Variants in DOC2B observed in about 807,000 individuals in gnomAD.
The protein encoded by DOC2B is double C2-like domain-containing protein beta.
Under a neutral mutation model 28.9 loss-of-function variants are expected in DOC2B, and 21 were observed. The ratio of observed to expected loss-of-function variants is 0.73; its 90% confidence interval spans 0.52 to 1.05. The LOEUF (loss-of-function observed/expected upper bound fraction) is 1.05. Ranked by LOEUF, DOC2B falls within the 50% of genes least tolerant of loss-of-function variation. The probability of loss-of-function intolerance (pLI) is 0.00; values close to 1 mark genes in which losing one functional copy is unlikely to be tolerated. For synonymous variants in DOC2B, 194 were observed against 178.1 expected (o/e 1.09, Z -0.71); for missense variants, 384 against 421.1 (o/e 0.91, Z 0.77).
chr17:180,973 G>T, intron 1 of DOC2B, 134 bp downstream of exon 1: 1 of 750,994 alleles, frequency 1.3e-6, no homozygotes. Context: ...GGGCCCGCAA[G>T]CCCGCGGCGG....
At chr17:150,826 G>A (rs1411532057) in intron 6 of DOC2B, among the ~76,000 whole-genome samples, 4 of 152,168 alleles carry the variant, frequency 2.6e-5, no homozygotes, top group Non-Finnish European at 5.9e-5. Flanking sequence ...CCACACAATG[G>A]AAGACCACTT....
chr17:169,875 C>T (rs1319917227), intron 2 of DOC2B, among the ~76,000 whole-genome samples: 1 of 152,184 alleles, frequency 6.6e-6, no homozygotes, highest in Non-Finnish European at 1.5e-5. Flanking sequence ...GGAACTGGGC[C>T]TCCCACCCCC....
rs575980122 is a variant in DOC2B at position 173,363 on chromosome 17, C to G, written c.374-747G>C. 1.7e-3 allele frequency among the ~76,000 whole-genome samples: 259 copies of G among 152,214 alleles called. 1 individual carries two copies. The highest frequency in any genetic ancestry group is 3.4e-3 in the Middle Eastern group (1 of 294). On this transcript the variant is annotated intron_variant, in intron 1 of 8. Coordinates refer to ENST00000613549, the MANE Select transcript of DOC2B (RefSeq NM_003585.5). The stretch of plus-strand genomic sequence containing the variant: ...GGCCAAGGTGATGGTTGGGGCAGAG[C>G]TTGGAGATGATGGTGGGGGGCAGAG...
intron 5 of DOC2B, among the ~76,000 whole-genome samples, chr17:158,959 ACTTGAACC>A (rs1567530991): frequency 6.7e-6 from 1 of 149,788 alleles, no homozygotes; most frequent in Non-Finnish European, 1.5e-5. Flanking sequence ...CAGAAGAATC[ACTTGAACC>A]CGGGAGGCGG....
At chr17:177,359 C>T (rs766168308) in intron 1 of DOC2B, among the ~76,000 whole-genome samples, 5 of 152,178 alleles carry the variant, frequency 3.3e-5, no homozygotes, top group South Asian at 2.1e-4. Flanking sequence ...GTGATATGAC[C>T]ACTTTGGCCT....
chr17:159,114 C>T (rs890110252), intron 5 of DOC2B, among the ~76,000 whole-genome samples: 9 of 151,506 alleles, frequency 5.9e-5, no homozygotes, highest in Non-Finnish European at 1.2e-4. Context: ...CATTGTACTT[C>T]GGGTTGTTTC....
At chr17:148,371 A>G in intron 7 of DOC2B, 102 bp from the exon 8 acceptor site, 2 of 397,428 alleles carry the variant, frequency 5.0e-6, no homozygotes, top group Non-Finnish European at 8.9e-6. Flanking sequence ...GATGGGGGTG[A>G]TCAGTGCTCA....
At position 144,848 on chromosome 17, in the gene DOC2B, T is replaced by C. The variant is rs1353733599; in HGVS notation, c.*2593A>G. The C allele has an allele frequency of 1.3e-5, 2 of 152,228 alleles. No individual in the cohort carries two copies. Among genetic ancestry groups the C allele is most frequent in the Non-Finnish European group, 2.9e-5 (2 of 68,064 alleles). The allele number at this position is 152,228 out of a possible 1,614,324, so 9.4% of individuals were successfully genotyped here. A position where few individuals can be genotyped will look rare whatever the true frequency, so the allele number is the denominator to read the frequency against. ...CACCCACTGGGCCTCACATTCCCCA[T>C]GTGCCTAATAAGGAAGTCATGGTAG... On this transcript the variant is annotated 3_prime_UTR_variant, in exon 9 of 9. Transcript: ENST00000613549.
At position 176,403 on chromosome 17, in the gene DOC2B, G is replaced by A. The variant is rs967260191; in HGVS notation, c.374-3787C>T. On this transcript the variant is annotated intron_variant, in intron 1 of 8. Coordinates refer to ENST00000613549, the MANE Select transcript of DOC2B (RefSeq NM_003585.5). ...ACAGTGGTGTTGGTGCGGGGGGTGC[G>A]GGGGGGTAGGTCTCACTACGTTGCT... 5.9e-5 allele frequency among the ~76,000 whole-genome samples: 9 copies of A among 151,600 alleles called. 1 individual carries two copies. In the South Asian group the frequency reaches 6.2e-4, roughly 11 times the overall value.
chr17:155,991 T>G (rs2040130575), intron 6 of DOC2B: 1 of 562,236 alleles, frequency 1.8e-6, no homozygotes, highest in South Asian at 2.3e-5. Context: ...AATACCTGCA[T>G]GACCCTGGGA....
intron 5 of DOC2B, among the ~76,000 whole-genome samples, chr17:158,441 C>A (rs534778966): frequency 6.6e-6 from 1 of 152,190 alleles, no homozygotes; most frequent in Non-Finnish European, 1.5e-5. Context: ...CTACATCTAA[C>A]CCTTTCTGGA....
intron 5 of DOC2B, among the ~76,000 whole-genome samples, chr17:160,218 A>G (rs1339958237): frequency 6.6e-6 from 1 of 152,078 alleles, no homozygotes; most frequent in Non-Finnish European, 1.5e-5. Flanking sequence ...TCTTGACCTC[A>G]TGACCCACCT....
chr17:173,063 T>C (rs1260188096), intron 1 of DOC2B, among the ~76,000 whole-genome samples: 1 of 152,182 alleles, frequency 6.6e-6, no homozygotes, highest in African/African-American at 2.4e-5. Context: ...ATCAGCTGAT[T>C]TGCTCAACAG....
intron 1 of DOC2B, among the ~76,000 whole-genome samples, chr17:180,411 C>T (rs982200412): frequency 1.3e-5 from 2 of 151,924 alleles, no homozygotes; most frequent in Non-Finnish European, 2.9e-5. Context: ...GCTGGGGGGC[C>T]CTCTCTGCCC....
chr17:151,197 G>T (rs1317431432), intron 6 of DOC2B, among the ~76,000 whole-genome samples: 1 of 152,068 alleles, frequency 6.6e-6, no homozygotes, highest in Non-Finnish European at 1.5e-5. Flanking sequence ...TTGAGCCCAG[G>T]AGTTCAAGGC....
chr17:164,519 A>G (rs1279309779), intron 2 of DOC2B, among the ~76,000 whole-genome samples: 1 of 152,084 alleles, frequency 6.6e-6, no homozygotes, highest in African/African-American at 2.4e-5. Flanking sequence ...TGCTTTGCTC[A>G]GGCCCTGCCA....
chr17:157,636 G>A (rs904441849), intron 5 of DOC2B, among the ~76,000 whole-genome samples: 1 of 152,146 alleles, frequency 6.6e-6, no homozygotes, highest in African/African-American at 2.4e-5. Context: ...TAGAGACAGG[G>A]TTTTGCCATG....
Position 181,538 on chromosome 17 carries a change from G to T in DOC2B, c.-59C>A. ...GGCCCGGCGCGACCCCGGCCCGGGG[G>T]CGGCTCAGCAGGCCCGGCGGGGCGC... On this transcript the variant is annotated 5_prime_UTR_variant, in exon 1 of 9. Transcript: ENST00000613549. This position sits in a 1 kb window ranked among gnomAD's most constrained non-coding sequence, Gnocchi z 7.0. The T allele has an allele frequency of 1.1e-6, 1 of 941,922 alleles. No individual in the cohort carries two copies. The highest frequency in any genetic ancestry group is 1.3e-6 in the Non-Finnish European group (1 of 793,122). The allele number at this position is 941,922 out of a possible 1,614,324, so 58.3% of individuals were successfully genotyped here.
At position 162,088 on chromosome 17, in the gene DOC2B, T is replaced by C. The variant is rs904617796; in HGVS notation, c.631A>G (p.Thr211Ala). 3.2e-6 allele frequency: 5 copies of C among 1,550,098 alleles called. No homozygotes were observed. In the African/African-American group the frequency reaches 6.9e-5, roughly 21 times the overall value. Residue 211 changes from threonine (T) to alanine (A), a missense_variant, in exon 4 of 9, where the codon ACC becomes GCC. Thr to Ala is a moderately conservative substitution (Grantham distance 58). Transcript: ENST00000613549. ...CCTGGGACCCTCACCCACCGCAGGG[T>C]CTTGCGGATCATGTCTTCATCTGTG... ...GITDEDMIRK[T>A]LRISVCDEDK...
Sources: allele counts gnomAD v4.1 joint callset (sites outside exome capture counted in the v4.1 genomes callset), GRCh38; gene constraint gnomAD v4.1.1; non-coding constraint Gnocchi (gnomAD v3.1); transcripts MANE v1.5; gene names NCBI Gene and HGNC (gene_info 2026-07-23, HGNC 2026-07-21).